IFNAR2: variants seen among roughly 807,000 people sequenced by gnomAD.
The protein encoded by IFNAR2 is interferon alpha and beta receptor subunit 2.
A neutral mutation model predicts 49.4 loss-of-function variants in IFNAR2; 30 were observed. The ratio of observed to expected loss-of-function variants is 0.61; its 90% CI spans 0.45 to 0.82. The LOEUF (loss-of-function observed/expected upper bound fraction) is 0.82. Among genes scored for constraint, IFNAR2 ranks in the 40% least tolerant of loss-of-function variants. IFNAR2 has a pLI of 0.00. For missense variants in IFNAR2, 600 were observed against 622.7 expected (o/e 0.96, Z 0.39); for synonymous variants, 224 against 234.5 (o/e 0.96, Z 0.41).
At position 33,230,527 on chromosome 21, in the gene IFNAR2, C is replaced by T. The variant is rs1985973656; in HGVS notation, c.-84+311C>T. 1 of 470,826 alleles carries T rather than the reference C, an allele frequency of 2.1e-6. No individual in the cohort carries two copies. The allele number at this position is 470,826 out of a possible 1,614,324, so 29.2% of individuals were successfully genotyped here. A position where few individuals can be genotyped will look rare whatever the true frequency, so the allele number is the denominator to read the frequency against. ...TCCCACCCCACCCCACCAAGGATGC[C>T]CAGGATACCGGGCATTTGCCACTGC... On this transcript the variant is annotated intron_variant, in intron 1 of 8. Coordinates refer to ENST00000342136, the MANE Select transcript of IFNAR2 (RefSeq NM_001289125.3). This position sits in a 1 kb window ranked among gnomAD's most constrained non-coding sequence, Gnocchi z 5.5.
chr21:33,254,507 T>A (rs17860228), intron 7 of IFNAR2, among the ~76,000 whole-genome samples: 1,785 of 152,240 alleles, frequency 0.012, 33 homozygotes, highest in African/African-American at 0.04. Flanking sequence ...TTCTTCCTGA[T>A]CCAAGAGAGA....
chr21:33,245,882 G>C (rs1987361628), intron 4 of IFNAR2, among the ~76,000 whole-genome samples: 1 of 152,130 alleles, frequency 6.6e-6, no homozygotes, highest in African/African-American at 2.4e-5. Context: ...ACTAACTGAA[G>C]CTTGGTAGAT....
At chr21:33,248,549 A>T (rs1404719470) in intron 5 of IFNAR2, 160 bp from the exon 6 acceptor site, 1 of 191,268 alleles carries the variant, frequency 5.2e-6, no homozygotes, top group Non-Finnish European at 9.6e-6. Context: ...TTAAATCATG[A>T]TACAGTCACT....
chr21:33,264,837 A>T lies in IFNAR2; in HGVS notation c.*1337A>T, dbSNP rs1380390796. The T allele has an allele frequency of 6.6e-6, 1 of 152,232 alleles. No individual in the cohort carries two copies. Among genetic ancestry groups the T allele is most frequent in the Non-Finnish European group, 1.5e-5 (1 of 68,060 alleles). The allele number at this position is 152,232 out of a possible 1,614,324, so 9.4% of individuals were successfully genotyped here. A position where few individuals can be genotyped will look rare whatever the true frequency, so the allele number is the denominator to read the frequency against. Reference sequence around the variant, plus strand: ...ATCTGTCTCTACAAAACAAAATTAGAAAAATTAACTGGGCGTAGTGGCATG... The same window carrying T: ...ATCTGTCTCTACAAAACAAAATTAGTAAAATTAACTGGGCGTAGTGGCATG... On this transcript the variant is annotated 3_prime_UTR_variant, in exon 9 of 9. Transcript: ENST00000342136.
intron 8 of IFNAR2, 35 bp from the exon 9 acceptor site, chr21:33,262,758 T>A: frequency 6.3e-7 from 1 of 1,582,854 alleles, no homozygotes; most frequent in Non-Finnish European, 8.6e-7. Flanking sequence ...GTACAGCTGA[T>A]ACGGACTCTC....
chr21:33,260,145 G>A (rs182422358), intron 7 of IFNAR2, among the ~76,000 whole-genome samples: 50 of 152,304 alleles, frequency 3.3e-4, no homozygotes, highest in African/African-American at 1.1e-3. Context: ...TGGCCCCAGC[G>A]TGGCTAAAGT....
Position 33,243,803 on chromosome 21 carries a change from G to A in IFNAR2, c.97+89G>A. The A allele has an allele frequency of 3.2e-6, 3 of 930,254 alleles. No homozygotes were observed. The East Asian group carries it at 7.2e-5, about 22-fold the overall frequency. The allele number at this position is 930,254 out of a possible 1,614,324, so 57.6% of individuals were successfully genotyped here. On this transcript the variant is annotated intron_variant, in intron 3 of 8. Coordinates refer to ENST00000342136, the MANE Select transcript of IFNAR2 (RefSeq NM_001289125.3). ...CAGAGGTATAAAATGTGGGAGATTT[G>A]ATTTCTGATTGTACATCTGTTGCCT... is the stretch of plus-strand genomic sequence containing the variant.
At chr21:33,248,388 G>A (rs1441565899) in intron 5 of IFNAR2, among the ~76,000 whole-genome samples, 3 of 112,458 alleles carry the variant, frequency 2.7e-5, no homozygotes, top group African/African-American at 1.0e-4. Flanking sequence ...GGGGGAGGGA[G>A]GGAGGGGGGG....
intron 8 of IFNAR2, among the ~76,000 whole-genome samples, 169 bp downstream of exon 8, chr21:33,260,896 C>T (rs1408835802): frequency 6.6e-6 from 1 of 151,764 alleles, no homozygotes; most frequent in Non-Finnish European, 1.5e-5. Context: ...GTATATTTTG[C>T]AGGGTTTTTG....
At chr21:33,241,624 T>C (rs1456208876) in intron 1 of IFNAR2, among the ~76,000 whole-genome samples, 1 of 137,620 alleles carries the variant, frequency 7.3e-6, no homozygotes, top group Non-Finnish European at 1.6e-5. Context: ...AGCAAGACTT[T>C]TCACAATTTT....
In IFNAR2 at chr21:33,262,691, G is replaced by A. The variant is rs777044815; in HGVS notation, c.841-102G>A. ...TTCCCCAGTAGCTGGGATTACAAGCGTGCATCCCTGTGCCCCAGTGATTAA... is the reference window on the plus strand; with the variant it reads ...TTCCCCAGTAGCTGGGATTACAAGCATGCATCCCTGTGCCCCAGTGATTAA... On this transcript the variant is annotated intron_variant, in intron 8 of 8. Coordinates refer to ENST00000342136, the MANE Select transcript of IFNAR2 (RefSeq NM_001289125.3). 6.6e-5 allele frequency: 98 copies of A among 1,481,396 alleles called. No individual in the cohort carries two copies. Among genetic ancestry groups the A allele is most frequent in the Non-Finnish European group, 8.7e-5 (93 of 1,062,912 alleles). 91.8% of individuals were successfully genotyped at this position (1,481,396 alleles called of 1,614,324 possible).
Position 33,230,344 on chromosome 21 carries a change from C to A in IFNAR2, c.-84+128C>A. On this transcript the variant is annotated intron_variant, in intron 1 of 8. Coordinates refer to ENST00000342136, the MANE Select transcript of IFNAR2 (RefSeq NM_001289125.3). The surrounding 1 kb of genome is among the most constrained non-coding windows in gnomAD (Gnocchi z 5.5). ...CTCTCGCTCTCCCCGACTCCTCCTC[C>A]TCCTCCTGCCCTCCCTCTGCGTCTT... 1 of 757,040 alleles carries A rather than the reference C, an allele frequency of 1.3e-6. No homozygotes were observed. The highest frequency in any genetic ancestry group is 1.8e-6 in the Non-Finnish European group (1 of 559,540). 46.9% of individuals were successfully genotyped at this position (757,040 alleles called of 1,614,324 possible).
intron 7 of IFNAR2, among the ~76,000 whole-genome samples, chr21:33,255,471 C>A (rs776836327): frequency 2.6e-5 from 4 of 152,194 alleles, no homozygotes; most frequent in African/African-American, 2.4e-5. Flanking sequence ...TCACAGAACT[C>A]AGGAAAGTGT....
At chr21:33,248,673 G>A (rs753629846) in intron 5 of IFNAR2, 36 bp from the exon 6 acceptor site, 1 of 1,569,446 alleles carries the variant, frequency 6.4e-7, no homozygotes, top group South Asian at 1.2e-5. Flanking sequence ...TATGGTCTCT[G>A]TGACATATTC....
At position 33,264,025 on chromosome 21, in the gene IFNAR2, A is replaced by AT. The variant is rs1988818679; in HGVS notation, c.*530dup. 6.5e-6 allele frequency: 1 copy of AT among 152,824 alleles called. No homozygotes were observed. Among genetic ancestry groups the AT allele is most frequent in the Non-Finnish European group, 1.5e-5 (1 of 68,814 alleles). 9.5% of individuals were successfully genotyped at this position (152,824 alleles called of 1,614,324 possible). ...AGGCGCCTGCCACCATGCCTAGCAA[A>AT]TTTTTGTATTTTTAGTAGAGACAGG... On this transcript the variant is annotated 3_prime_UTR_variant, in exon 9 of 9. Transcript: ENST00000342136.
Position 33,264,604 on chromosome 21 carries a change from G to C in IFNAR2, c.*1104G>C, listed in dbSNP as rs1332064990. On this transcript the variant is annotated 3_prime_UTR_variant, in exon 9 of 9. Transcript: ENST00000342136. ...CAGGGACCCTATTTGACAATTTTCA[G>C]AGTGCTCTCTATGCTGATTCCGAGT... 3 of 151,710 alleles carry C rather than the reference G, an allele frequency of 2.0e-5. No homozygotes were observed. Among genetic ancestry groups the C allele is most frequent in the Non-Finnish European group, 4.4e-5 (3 of 67,946 alleles). 9.4% of individuals were successfully genotyped at this position (151,710 alleles called of 1,614,324 possible). A position where few individuals can be genotyped will look rare whatever the true frequency, so the allele number is the denominator to read the frequency against.
intron 6 of IFNAR2, among the ~76,000 whole-genome samples, chr21:33,249,425 C>G (rs950909783): frequency 6.6e-5 from 10 of 151,360 alleles, no homozygotes; most frequent in African/African-American, 9.7e-5. Flanking sequence ...GAGGGAGATG[C>G]AGAGTACAGC....
intron 1 of IFNAR2, among the ~76,000 whole-genome samples, chr21:33,239,266 C>T (rs12482060): frequency 6.6e-6 from 1 of 151,964 alleles, no homozygotes; most frequent in South Asian, 2.1e-4. Context: ...ATGGGGAGCC[C>T]CAAATAAGAG....
chr21:33,248,486 TAA>T (rs1272310358), intron 5 of IFNAR2, among the ~76,000 whole-genome samples: 1 of 151,994 alleles, frequency 6.6e-6, no homozygotes, highest in African/African-American at 2.4e-5. Flanking sequence ...CATGATACAT[TAA>T]GTCTTTAATA....
Sources: allele counts gnomAD v4.1 joint callset (sites outside exome capture counted in the v4.1 genomes callset), GRCh38; gene constraint gnomAD v4.1.1; non-coding constraint Gnocchi (gnomAD v3.1); transcripts MANE v1.5; gene names NCBI Gene and HGNC (gene_info 2026-07-23, HGNC 2026-07-21).